Variants in RELN observed in about 807,000 individuals in gnomAD.
The protein encoded by RELN is reelin.
Under a neutral mutation model 427.6 loss-of-function variants are expected in RELN, and 108 were observed. The observed-to-expected ratio is 0.25, with a 90% CI of 0.22 to 0.30. The LOEUF is 0.30. Among genes scored for constraint, RELN ranks in the 10% least tolerant of loss-of-function variants. The probability of loss-of-function intolerance (pLI) is 1.00; values close to 1 mark genes in which losing one functional copy is unlikely to be tolerated. For synonymous variants in RELN, 1,524 were observed against 1,513.4 expected (o/e 1.01, Z -0.16); for missense variants, 3,715 against 4,302.8 (o/e 0.86, Z 3.82).
In RELN at chr7:103,540,403, T is replaced by C. The variant is rs756111095; in HGVS notation, c.6724A>G (p.Arg2242Gly). The C allele has an allele frequency of 6.2e-7, 1 of 1,614,112 alleles. No homozygotes were observed. Among genetic ancestry groups the C allele is most frequent in the Non-Finnish European group, 8.5e-7 (1 of 1,179,986 alleles). The change falls in exon 44 of 65, where the codon AGG (arginine) becomes GGG (glycine). Residue 2242 changes from arginine to glycine, a missense_variant. Physicochemically the swap from Arg to Gly is moderately radical, Grantham distance 125. Coordinates refer to ENST00000428762, the MANE Select transcript of RELN (RefSeq NM_005045.4). ...TACTGTAGGAGCACGGGTTGACTCC[T>C]GGGGTCAGGAACGCCTTTACCACAT... ...LGCGKGVPDP[R>G]SQPVLLQYSL...
chr7:103,613,914 G>A (rs113540880), intron 20 of RELN, among the ~76,000 whole-genome samples: 11 of 152,186 alleles, frequency 7.2e-5, no homozygotes, highest in South Asian at 6.2e-4. Context: ...AGATGGTTTC[G>A]TGTCCTCATA....
intron 9 of RELN, among the ~76,000 whole-genome samples, chr7:103,699,982 T>C (rs1198828568): frequency 6.6e-6 from 1 of 152,082 alleles, no homozygotes; most frequent in African/African-American, 2.4e-5. Context: ...AAAGAAACTT[T>C]AGACAAACTG....
intron 45 of RELN, among the ~76,000 whole-genome samples, chr7:103,538,843 T>C (rs898019435): frequency 6.6e-6 from 1 of 152,200 alleles, no homozygotes; most frequent in African/African-American, 2.4e-5. Context: ...AAATAAGTCT[T>C]CACGTACATA....
intron 58 of RELN, among the ~76,000 whole-genome samples, chr7:103,491,551 G>A (rs1247973947): frequency 6.6e-6 from 1 of 152,048 alleles, no homozygotes; most frequent in East Asian, 1.9e-4. Flanking sequence ...TTATTCCTCT[G>A]TAAGCAGCTG....
At chr7:103,538,048 C>A (rs1053952565) in intron 45 of RELN, among the ~76,000 whole-genome samples, 7 of 152,180 alleles carry the variant, frequency 4.6e-5, no homozygotes, top group African/African-American at 1.7e-4. Context: ...CTACTGAAGA[C>A]AGGGTGTGCA....
At chr7:103,846,837 T>A (rs1422166024) in intron 2 of RELN, among the ~76,000 whole-genome samples, 1 of 152,100 alleles carries the variant, frequency 6.6e-6, no homozygotes, top group Admixed American at 6.5e-5. Context: ...TCATCACTGG[T>A]CATTACAGAA....
intron 2 of RELN, among the ~76,000 whole-genome samples, chr7:103,839,015 T>C (rs573662003): frequency 1.9e-3 from 285 of 152,336 alleles, no homozygotes; most frequent in Admixed American, 3.2e-3. Context: ...GGTATGGGTA[T>C]TGAGATTTTG....
At chr7:103,797,175 T>A (rs1792325948) in intron 3 of RELN, among the ~76,000 whole-genome samples, 1 of 152,146 alleles carries the variant, frequency 6.6e-6, no homozygotes, top group Non-Finnish European at 1.5e-5. Context: ...AACCTCTGCC[T>A]CAGGTTCGAC....
chr7:103,489,947 C>A, intron 59 of RELN, 48 bp from the exon 60 acceptor site: 1 of 1,609,154 alleles, frequency 6.2e-7, no homozygotes, highest in South Asian at 1.1e-5. Context: ...TTGTTACTTC[C>A]ATGGCTGCAT....
At chr7:103,725,968 C>T (rs1031574591) in intron 7 of RELN, among the ~76,000 whole-genome samples, 5 of 152,094 alleles carry the variant, frequency 3.3e-5, no homozygotes, top group Admixed American at 1.3e-4. Context: ...GTTCTTTGCT[C>T]GTGGTTCTTT....
intron 2 of RELN, among the ~76,000 whole-genome samples, chr7:103,841,844 A>G (rs1361976346): frequency 6.6e-6 from 1 of 152,190 alleles, no homozygotes; most frequent in Non-Finnish European, 1.5e-5. Flanking sequence ...TATTTCATAG[A>G]TGAAAGATGT....
chr7:103,575,834 A>G (rs1437427797), intron 28 of RELN, 129 bp from the exon 29 acceptor site: 37 of 1,010,094 alleles, frequency 3.7e-5, no homozygotes, highest in Non-Finnish European at 5.5e-5. Flanking sequence ...GCTTGACTGC[A>G]CTTAACCTTC....
At chr7:103,689,802 G>C (rs1448198592) in intron 10 of RELN, among the ~76,000 whole-genome samples, 1 of 152,162 alleles carries the variant, frequency 6.6e-6, no homozygotes, top group Non-Finnish European at 1.5e-5. Context: ...ATGATAACTT[G>C]TGGAAAGCAG....
intron 19 of RELN, 64 bp from the exon 20 acceptor site, chr7:103,630,240 G>T: frequency 1.8e-6 from 2 of 1,086,086 alleles, no homozygotes; most frequent in Admixed American, 1.7e-5. Context: ...AATATTTATA[G>T]TGGGATAGAT....
At chr7:103,496,457 A>G (rs1332796307) in intron 56 of RELN, 69 bp downstream of exon 56, 21 of 1,600,216 alleles carry the variant, frequency 1.3e-5, no homozygotes, top group Non-Finnish European at 1.6e-5. Context: ...TCATGTGCTA[A>G]TCTATCTGAA....
intron 21 of RELN, 90 bp from the exon 22 acceptor site, chr7:103,610,897 C>A: frequency 1.3e-6 from 1 of 758,796 alleles, no homozygotes; most frequent in South Asian, 1.4e-5. Context: ...AAAAAGACCT[C>A]AGAGAAATCT....
At chr7:103,939,642 T>C (rs1409670546) in intron 1 of RELN, among the ~76,000 whole-genome samples, 2 of 152,230 alleles carry the variant, frequency 1.3e-5, no homozygotes, top group South Asian at 2.1e-4. Flanking sequence ...TTTACAAATG[T>C]ATCCTAAGGA....
At chr7:103,606,597 A>G (rs1259070954) in intron 22 of RELN, among the ~76,000 whole-genome samples, 2 of 152,158 alleles carry the variant, frequency 1.3e-5, no homozygotes, top group Non-Finnish European at 2.9e-5. Context: ...TTACAGTTAC[A>G]TGCCTATAAA....
chr7:103,776,603 C>T lies in RELN; in HGVS notation c.498G>A (p.Gln166=). 6.2e-7 allele frequency: 1 copy of T among 1,614,092 alleles called. No homozygotes were observed. Among genetic ancestry groups the T allele is most frequent in the Non-Finnish European group, 8.5e-7 (1 of 1,179,960 alleles). Reference sequence around the variant, plus strand: ...GGGCTAAAGCATCTTTGAAAATAACCTGGCCCCGGTGTGTTGCTGTAGCCC... The same window carrying T: ...GGGCTAAAGCATCTTTGAAAATAACTTGGCCCCGGTGTGTTGCTGTAGCCC... ...NFMATATHRG[Q]VIFKDALAQQ... Residue 166 remains glutamine (Q), a synonymous_variant, in exon 4 of 65, where the codon CAG becomes CAA. Transcript: ENST00000428762.
Sources: gnomAD v4.1 joint callset for allele counts (sites outside exome capture counted in the v4.1 genomes callset) on GRCh38, gnomAD v4.1.1 for gene constraint, MANE v1.5 for transcripts, NCBI Gene and HGNC (gene_info 2026-07-23, HGNC 2026-07-21) for gene names.